The following COMMD10 variants were observed in gnomAD, a reference collection of about 807,000 sequenced individuals.
COMMD10 encodes the protein COMM domain containing 10.
In COMMD10, 33 loss-of-function variants were observed where a neutral mutation model predicts 28.9. That is an observed-to-expected ratio of 1.14 (90% CI 0.87 to 1.53). The LOEUF (loss-of-function observed/expected upper bound fraction) is 1.53. Among genes scored for constraint, COMMD10 ranks in the 40% most tolerant of loss-of-function variants. The probability of loss-of-function intolerance (pLI) is 0.00; values close to 1 mark genes in which losing one functional copy is unlikely to be tolerated. For synonymous variants in COMMD10, 110 were observed against 81.7 expected (o/e 1.35, Z -1.87); for missense variants, 310 against 233.4 (o/e 1.33, Z -2.14).
intron 5 of COMMD10, among the ~76,000 whole-genome samples, chr5:116,226,416 CTT>C (rs34529275): frequency 1.3e-4 from 18 of 138,062 alleles, no homozygotes; most frequent in African/African-American, 2.4e-4. Context: ...TTGTACTTCC[CTT>C]TTTTTTTTTT....
intron 5 of COMMD10, among the ~76,000 whole-genome samples, chr5:116,164,905 A>C (rs747474358): frequency 8.5e-5 from 13 of 152,186 alleles, no homozygotes; most frequent in Non-Finnish European, 1.3e-4. Context: ...TGAGCCCTGG[A>C]ATTTGTCTGA....
At chr5:116,120,425 C>T (rs1751391281) in intron 4 of COMMD10, among the ~76,000 whole-genome samples, 1 of 151,976 alleles carries the variant, frequency 6.6e-6, no homozygotes, top group South Asian at 2.1e-4. Flanking sequence ...GACGGTTGCA[C>T]TAAAATCTCA....
Position 116,234,379 on chromosome 5 carries a change from A to G in COMMD10, c.511-57138A>G, listed in dbSNP as rs144283243. On this transcript the variant is annotated intron_variant, in intron 5 of 6. Transcript: ENST00000274458. Reference sequence around the variant, plus strand: ...AAAAACAAAAAAGTAATGAATAGCAATGAAAAGAAAAAAATTTCAATTTTA... The same window carrying G: ...AAAAACAAAAAAGTAATGAATAGCAGTGAAAAGAAAAAAATTTCAATTTTA... Among the ~76,000 whole-genome samples the G allele has an allele frequency of 4.6e-3, 695 of 152,326 alleles. 1 individual carries two copies. The highest frequency in any genetic ancestry group is 7.4e-3 in the Non-Finnish European group (503 of 68,018).
chr5:116,231,158 C>T (rs1749518352), intron 5 of COMMD10, among the ~76,000 whole-genome samples: 1 of 152,138 alleles, frequency 6.6e-6, no homozygotes, highest in Non-Finnish European at 1.5e-5. Flanking sequence ...GCTGATTCTA[C>T]ATCCTATTGG....
At chr5:116,180,693 T>A (rs1265679694) in intron 5 of COMMD10, among the ~76,000 whole-genome samples, 4 of 151,728 alleles carry the variant, frequency 2.6e-5, no homozygotes, top group Non-Finnish European at 4.4e-5. Flanking sequence ...ATAAACTCCC[T>A]AACTAAAAAA....
chr5:116,091,779 G>A (rs113808174), intron 3 of COMMD10, among the ~76,000 whole-genome samples: 18 of 152,072 alleles, frequency 1.2e-4, no homozygotes, highest in African/African-American at 4.3e-4. Flanking sequence ...TATTTTTTGT[G>A]TATCTTATAT....
chr5:116,238,332 T>C (rs905887736), intron 5 of COMMD10, among the ~76,000 whole-genome samples: 5 of 152,204 alleles, frequency 3.3e-5, no homozygotes, highest in African/African-American at 1.2e-4. Context: ...TCATGATTAA[T>C]GGGTTAAAAG....
intron 5 of COMMD10, among the ~76,000 whole-genome samples, chr5:116,159,302 C>G (rs1367190376): frequency 6.6e-6 from 1 of 152,202 alleles, no homozygotes; most frequent in Non-Finnish European, 1.5e-5. Context: ...CCTTGTTTTT[C>G]CTGACACTCC....
At chr5:116,254,873 G>C (rs1393708913) in intron 5 of COMMD10, among the ~76,000 whole-genome samples, 5 of 151,338 alleles carry the variant, frequency 3.3e-5, no homozygotes, top group Admixed American at 3.3e-4. Flanking sequence ...CTGTCTCGTT[G>C]ATCTGTCTAA....
At chr5:116,085,158 G>A (rs1580430765) in intron 1 of COMMD10, 65 bp downstream of exon 1, 3 of 1,524,140 alleles carry the variant, frequency 2.0e-6, no homozygotes, top group East Asian at 4.9e-5. Context: ...GCTCGCACAA[G>A]GCTGTCCTTG....
intron 5 of COMMD10, among the ~76,000 whole-genome samples, chr5:116,208,227 G>A (rs1327708064): frequency 6.6e-6 from 1 of 152,212 alleles, no homozygotes. Flanking sequence ...TAACCATGTT[G>A]TAAAAGTGAT....
chr5:116,260,173 A>G (rs1305371048), intron 5 of COMMD10, among the ~76,000 whole-genome samples: 2 of 151,860 alleles, frequency 1.3e-5, no homozygotes, highest in Admixed American at 6.6e-5. Context: ...TTTTGAAATT[A>G]AGAGAACTAA....
intron 5 of COMMD10, among the ~76,000 whole-genome samples, chr5:116,290,387 A>G (rs1300863650): frequency 6.6e-6 from 1 of 151,912 alleles, no homozygotes; most frequent in Non-Finnish European, 1.5e-5. Flanking sequence ...ACTTAGATAT[A>G]TGAGAGAAAA....
chr5:116,148,362 C>T (rs1482441072), intron 5 of COMMD10, among the ~76,000 whole-genome samples: 1 of 151,814 alleles, frequency 6.6e-6, no homozygotes, highest in Non-Finnish European at 1.5e-5. Context: ...TCTCTTTCCC[C>T]CTCTTGGCTT....
At chr5:116,286,991 C>T (rs1751234855) in intron 5 of COMMD10, among the ~76,000 whole-genome samples, 1 of 151,780 alleles carries the variant, frequency 6.6e-6, no homozygotes, top group African/African-American at 2.4e-5. Flanking sequence ...CAAATTTCTT[C>T]AATCCTGCCA....
In COMMD10 at chr5:116,223,728, A is replaced by G. The variant is rs78181134; in HGVS notation, c.511-67789A>G. On this transcript the variant is annotated intron_variant, in intron 5 of 6. Transcript: ENST00000274458. ...GTTCAAAAACTCTGAAGCGACTATA[A>G]TGTATTGTAAGATACCCTGAAAGAA... 8.1e-3 allele frequency among the ~76,000 whole-genome samples: 1,230 copies of G among 152,264 alleles called. 22 individuals are homozygous for G. Among genetic ancestry groups the G allele is most frequent in the African/African-American group, 0.028 (1,154 of 41,540 alleles).
rs1445006921 is a variant in COMMD10 at position 116,220,612 on chromosome 5, A to T, written c.511-70905A>T. On this transcript the variant is annotated intron_variant, in intron 5 of 6. Transcript: ENST00000274458. ...ACATATGCAACCCAAGCATTGTATAAACACTGGAAAAATAATATAACTCAC... is the reference window on the plus strand; with the variant it reads ...ACATATGCAACCCAAGCATTGTATATACACTGGAAAAATAATATAACTCAC... Among the ~76,000 whole-genome samples the T allele has an allele frequency of 6.6e-5, 10 of 152,280 alleles. No homozygotes were observed. The East Asian group carries it at 1.9e-3, about 29-fold the overall frequency.
intron 4 of COMMD10, among the ~76,000 whole-genome samples, chr5:116,094,450 G>C (rs1454949128): frequency 1.3e-5 from 2 of 152,082 alleles, no homozygotes; most frequent in African/African-American, 4.8e-5. Flanking sequence ...AGAAATGCAA[G>C]TCAAAACCAA....
At chr5:116,255,452 G>A (rs7736805) in intron 5 of COMMD10, among the ~76,000 whole-genome samples, 3,573 of 151,484 alleles carry the variant, frequency 0.024, 53 homozygotes, top group Non-Finnish European at 0.033. Flanking sequence ...GTTCCTTTCC[G>A]TGTTTAGTGC....
Sources: gnomAD v4.1 joint callset for allele counts (sites outside exome capture counted in the v4.1 genomes callset) on GRCh38, gnomAD v4.1.1 for gene constraint, MANE v1.5 for transcripts, NCBI Gene and HGNC (gene_info 2026-07-23, HGNC 2026-07-21) for gene names.